The following UBE4B variants were observed in gnomAD, a reference collection of about 807,000 sequenced individuals.
UBE4B encodes ubiquitination factor E4B.
In UBE4B, 27 loss-of-function variants were observed where a neutral mutation model predicts 148.1. That is an observed-to-expected ratio of 0.18 (90% confidence interval 0.13 to 0.25). The LOEUF is 0.25. Among genes scored for constraint, UBE4B ranks in the 10% least tolerant of loss-of-function variants. The pLI, the probability that UBE4B is intolerant of heterozygous loss-of-function variation, is 1.00. For missense variants in UBE4B, 1,170 were observed against 1,662.4 expected (o/e 0.70, Z 5.15); for synonymous variants, 596 against 619.3 (o/e 0.96, Z 0.56).
intron 19 of UBE4B, among the ~76,000 whole-genome samples, chr1:10,148,737 C>T (rs1341552729): frequency 2.6e-5 from 4 of 151,514 alleles, no homozygotes; most frequent in East Asian, 1.9e-4. Context: ...GTCAGGAGTT[C>T]GAGACCAGCC....
In UBE4B at chr1:10,102,147, C is replaced by G. The variant is rs1002210493; in HGVS notation, c.436-801C>G. 4.6e-5 allele frequency among the ~76,000 whole-genome samples: 7 copies of G among 151,968 alleles called. No individual in the cohort carries two copies. In the East Asian group the frequency reaches 1.2e-3, roughly 25 times the overall value. ...AAATAAGAAGTTGCACTGTAGCCTC[C>G]TAGTGGTGCAGTGCTTTATTTTGTA... On this transcript the variant is annotated intron_variant, in intron 4 of 27. Coordinates refer to ENST00000343090, the MANE Select transcript of UBE4B (RefSeq NM_001105562.3).
At chr1:10,117,365 A>G in intron 7 of UBE4B, 94 bp from the exon 8 acceptor site, 1 of 1,541,214 alleles carries the variant, frequency 6.5e-7, no homozygotes, top group Non-Finnish European at 8.9e-7. Flanking sequence ...TTATGTGTAC[A>G]GGGATCCTAA....
rs187710609 is a variant in UBE4B, at chr1:10,137,329, G to C, written c.2363+124G>C. 7.2e-6 allele frequency: 9 copies of C among 1,250,894 alleles called. No homozygotes were observed. The Admixed American group carries it at 9.9e-5, about 14-fold the overall frequency. The allele number at this position is 1,250,894 out of a possible 1,614,324, so 77.5% of individuals were successfully genotyped here. A position where few individuals can be genotyped will look rare whatever the true frequency, so the allele number is the denominator to read the frequency against. On this transcript the variant is annotated intron_variant, in intron 17 of 27. Coordinates refer to ENST00000343090, the MANE Select transcript of UBE4B (RefSeq NM_001105562.3). Reference sequence around the variant, plus strand: ...AGGTATGTACGTTATATAGTGTTCTGTCTGCCTCCACCGCCACATCCATGT... The same window carrying C: ...AGGTATGTACGTTATATAGTGTTCTCTCTGCCTCCACCGCCACATCCATGT...
intron 25 of UBE4B, among the ~76,000 whole-genome samples, chr1:10,176,771 T>C (rs969796255): frequency 6.6e-5 from 10 of 151,010 alleles, no homozygotes; most frequent in Non-Finnish European, 1.5e-5. Flanking sequence ...GGAAGAGTTC[T>C]TTTTTTCTTT....
At chr1:10,068,428 T>A (rs1474213943) in intron 1 of UBE4B, among the ~76,000 whole-genome samples, 5 of 151,086 alleles carry the variant, frequency 3.3e-5, no homozygotes, top group Non-Finnish European at 7.4e-5. Context: ...CAGCTCACTG[T>A]GACCTCCTCC....
chr1:10,108,808 C>T (rs79744368), intron 7 of UBE4B, among the ~76,000 whole-genome samples: 4,384 of 152,212 alleles, frequency 0.029, 71 homozygotes, highest in African/African-American at 0.045. Flanking sequence ...GTCTTTTTCA[C>T]GTAGATAAAA....
In UBE4B at chr1:10,170,949, T is replaced by C. The variant is rs2102031125; in HGVS notation, c.3334-189T>C. On this transcript the variant is annotated intron_variant, in intron 24 of 27. Coordinates refer to ENST00000343090, the MANE Select transcript of UBE4B (RefSeq NM_001105562.3). ...AACATTCCATTAAGTATTAGAATTA[T>C]CAGATCAGAAATGGGGAGTAAAGTT... 1.0e-5 allele frequency: 5 copies of C among 502,148 alleles called. No homozygotes were observed. The South Asian group carries it at 2.2e-4, about 22-fold the overall frequency. The allele number at this position is 502,148 out of a possible 1,614,324, so 31.1% of individuals were successfully genotyped here. A position where few individuals can be genotyped will look rare whatever the true frequency, so the allele number is the denominator to read the frequency against.
chr1:10,119,602 AAC>A lies in UBE4B; in HGVS notation c.1432_1433del (p.Gln478AlafsTer17). On this transcript the variant is annotated frameshift_variant, in exon 9 of 28. Transcript: ENST00000343090. LOFTEE classifies it high-confidence loss of function. ...HTALVLQGSL[T>X]QPRSLQQPSF... ...CTGCTTTAGTACTACAAGGCTCCCTAACACAGCCCAGGTATGAAGACCCGTGA... is the reference window on the plus strand; with the variant it reads ...CTGCTTTAGTACTACAAGGCTCCCTAACAGCCCAGGTATGAAGACCCGTGA... 1.2e-6 allele frequency: 2 copies of A among 1,612,988 alleles called. No homozygotes were observed. The highest frequency in any genetic ancestry group is 1.7e-6 in the Non-Finnish European group (2 of 1,179,228).
intron 2 of UBE4B, among the ~76,000 whole-genome samples, chr1:10,074,974 A>G (rs1644553360): frequency 6.6e-6 from 1 of 152,180 alleles, no homozygotes; most frequent in Non-Finnish European, 1.5e-5. Context: ...CAGGCATGTC[A>G]CAGCTAGCAT....
Position 10,121,943 on chromosome 1 carries a change from A to G in UBE4B, c.1440-19A>G, listed in dbSNP as rs767949573. The G allele has an allele frequency of 4.8e-5, 75 of 1,566,612 alleles. No homozygotes were observed. The highest frequency in any genetic ancestry group is 2.0e-4 in the African/African-American group (15 of 73,620). On this transcript the variant is annotated intron_variant, in intron 9 of 27. Transcript: ENST00000343090. Reference sequence around the variant, plus strand: ...GTGAGTTGACTTCATCACCGTCCCTAATGTTCATGGGTCCACAGGTCCTTG... The same window carrying G: ...GTGAGTTGACTTCATCACCGTCCCTGATGTTCATGGGTCCACAGGTCCTTG...
chr1:10,149,528 T>C (rs1379137583), intron 20 of UBE4B, among the ~76,000 whole-genome samples: 1 of 152,192 alleles, frequency 6.6e-6, no homozygotes, highest in Non-Finnish European at 1.5e-5. Flanking sequence ...GAGTTGAATT[T>C]CTAATAGTTA....
intron 26 of UBE4B, 65 bp downstream of exon 26, chr1:10,178,883 A>G: frequency 6.6e-7 from 1 of 1,513,442 alleles, no homozygotes; most frequent in Non-Finnish European, 8.9e-7. Context: ...TAACATTACA[A>G]GAGGACGTCC....
intron 8 of UBE4B, 127 bp from the exon 9 acceptor site, chr1:10,119,386 A>G (rs1476481004): frequency 9.8e-6 from 8 of 819,954 alleles, no homozygotes; most frequent in Non-Finnish European, 1.4e-5. Context: ...TAGCTCGTTC[A>G]CTAAGAATAA....
chr1:10,129,211 G>T, intron 11 of UBE4B, 181 bp from the exon 12 acceptor site: 1 of 504,358 alleles, frequency 2.0e-6, no homozygotes, highest in South Asian at 3.6e-5. Flanking sequence ...TTTTCACATT[G>T]CATGTGTTTT....
chr1:10,065,508 C>T (rs78312337), intron 1 of UBE4B, among the ~76,000 whole-genome samples: 2,004 of 152,268 alleles, frequency 0.013, 39 homozygotes, highest in African/African-American at 0.046. Context: ...GGGGTAGTTT[C>T]GGCCCTGTGA....
chr1:10,046,250 T>C (rs914814430), intron 1 of UBE4B, among the ~76,000 whole-genome samples: 5 of 152,184 alleles, frequency 3.3e-5, no homozygotes, highest in African/African-American at 1.2e-4. Flanking sequence ...TGGGCAGCCA[T>C]GTGTTCAGCT....
chr1:10,136,916 A>G, intron 16 of UBE4B, 151 bp from the exon 17 acceptor site: 1 of 939,148 alleles, frequency 1.1e-6, no homozygotes, highest in South Asian at 1.9e-5. Context: ...GCAAAAGTCC[A>G]TCTCAAATAA....
chr1:10,074,483 G>A (rs996907627), intron 2 of UBE4B, among the ~76,000 whole-genome samples: 10 of 151,942 alleles, frequency 6.6e-5, no homozygotes, highest in Non-Finnish European at 1.5e-4. Context: ...CAGAACTTCC[G>A]GAATGAGTTG....
intron 18 of UBE4B, among the ~76,000 whole-genome samples, 170 bp from the exon 19 acceptor site, chr1:10,146,793 A>G (rs1645880221): frequency 6.6e-6 from 1 of 152,092 alleles, no homozygotes; most frequent in Non-Finnish European, 1.5e-5. Flanking sequence ...TGTTTTTCTC[A>G]GGAAAAAGGT....
Sources: allele counts gnomAD v4.1 joint callset (sites outside exome capture counted in the v4.1 genomes callset), GRCh38; gene constraint gnomAD v4.1.1; transcripts MANE v1.5; gene names NCBI Gene and HGNC (gene_info 2026-07-23, HGNC 2026-07-21).